The following CADM2 variants were observed in gnomAD, a reference collection of about 807,000 sequenced individuals.
CADM2 encodes immunoglobulin superfamily member 4D.
A neutral mutation model predicts 49.8 loss-of-function variants in CADM2; 12 were observed. The observed-to-expected ratio is 0.24, with a 90% CI of 0.15 to 0.39. The LOEUF is 0.39. Ranked by LOEUF, CADM2 falls within the 10% of genes least tolerant of loss-of-function variation. The probability of loss-of-function intolerance (pLI) is 1.00; values close to 1 mark genes in which losing one functional copy is unlikely to be tolerated. For missense variants in CADM2, 378 were observed against 492.3 expected (o/e 0.77, Z 2.20); for synonymous variants, 214 against 175.4 (o/e 1.22, Z -1.74).
At chr3:85,572,350 A>G (rs60820264) in intron 1 of CADM2, among the ~76,000 whole-genome samples, 1 of 152,144 alleles carries the variant, frequency 6.6e-6, no homozygotes, top group Non-Finnish European at 1.5e-5. Flanking sequence ...TTATGTAAAA[A>G]TATATGAGGC....
At chr3:85,937,810 T>C (rs984975565) in intron 7 of CADM2, among the ~76,000 whole-genome samples, 6 of 151,968 alleles carry the variant, frequency 3.9e-5, no homozygotes, top group African/African-American at 1.4e-4. Context: ...TTCTTAACCA[T>C]ATAAAAATCT....
At chr3:85,294,187 C>T (rs1303713179) in intron 1 of CADM2, among the ~76,000 whole-genome samples, 2 of 152,192 alleles carry the variant, frequency 1.3e-5, no homozygotes, top group East Asian at 3.9e-4. Context: ...ATCCCATTCA[C>T]AATTGCTTCA....
chr3:85,274,417 G>A (rs779968150), intron 1 of CADM2, among the ~76,000 whole-genome samples: 1 of 151,358 alleles, frequency 6.6e-6, no homozygotes, highest in Non-Finnish European at 1.5e-5. Context: ...AGATGAGAAG[G>A]GATCTAGGAC....
At chr3:85,752,350 AG>A (rs2068896020) in intron 2 of CADM2, among the ~76,000 whole-genome samples, 1 of 152,078 alleles carries the variant, frequency 6.6e-6, no homozygotes, top group African/African-American at 2.4e-5. Flanking sequence ...GAGAAGGATC[AG>A]GGGTGTGTGG....
At position 86,006,537 on chromosome 3, in the gene CADM2, T is replaced by G. The variant is rs147644473; in HGVS notation, c.970+44890T>G. Among the ~76,000 whole-genome samples the G allele has an allele frequency of 2.5e-3, 378 of 152,308 alleles. 1 individual carries two copies. Among genetic ancestry groups the G allele is most frequent in the African/African-American group, 8.8e-3 (367 of 41,564 alleles). ...GAAAAGAAGATGAGACTTTGAAACC[T>G]CTAAGGCAGGCTTGTCTTTAGTCTG... On this transcript the variant is annotated intron_variant, in intron 8 of 9. Coordinates refer to ENST00000383699, the MANE Select transcript of CADM2 (RefSeq NM_001167675.2).
At chr3:85,860,306 G>A (rs1285557594) in intron 3 of CADM2, among the ~76,000 whole-genome samples, 1 of 152,088 alleles carries the variant, frequency 6.6e-6, no homozygotes, top group African/African-American at 2.4e-5. Flanking sequence ...GTATTACATG[G>A]AGGCTACAGA....
intron 1 of CADM2, among the ~76,000 whole-genome samples, chr3:85,220,902 A>G (rs538468190): frequency 6.6e-6 from 1 of 152,288 alleles, no homozygotes; most frequent in South Asian, 2.1e-4. Context: ...AACTAAAATC[A>G]ATGGGTAAGT....
At chr3:85,537,413 T>A (rs2061446014) in intron 1 of CADM2, among the ~76,000 whole-genome samples, 1 of 152,076 alleles carries the variant, frequency 6.6e-6, no homozygotes, top group South Asian at 2.1e-4. Context: ...GTTAAATTGA[T>A]GCAATGTAAA....
At chr3:85,276,296 A>G (rs934008927) in intron 1 of CADM2, among the ~76,000 whole-genome samples, 5 of 151,300 alleles carry the variant, frequency 3.3e-5, no homozygotes, top group African/African-American at 1.2e-4. Context: ...TAATAATAGT[A>G]TCTGTCATCA....
chr3:85,721,930 G>A (rs1359785814), intron 1 of CADM2, among the ~76,000 whole-genome samples: 1 of 152,214 alleles, frequency 6.6e-6, no homozygotes, highest in Non-Finnish European at 1.5e-5. Context: ...AACATGGAGG[G>A]TGAGCAAGTT....
Position 85,486,649 on chromosome 3 carries a change from G to C in CADM2, c.62-239873G>C, listed in dbSNP as rs76177044. ...TTTTCCAATGGATTCTATTATAAAG[G>C]TTCCCAACAGATTTGATTATCCTGT... On this transcript the variant is annotated intron_variant, in intron 1 of 9. Transcript: ENST00000383699. Among the ~76,000 whole-genome samples the C allele has an allele frequency of 5.3e-5, 8 of 152,002 alleles. No homozygotes were observed. In the East Asian group the frequency reaches 1.4e-3, roughly 26 times the overall value.
intron 1 of CADM2, among the ~76,000 whole-genome samples, chr3:85,421,902 T>C (rs571879237): frequency 1.3e-5 from 2 of 152,352 alleles, no homozygotes; most frequent in Admixed American, 1.3e-4. Flanking sequence ...CTTGACATTT[T>C]CTGTTGCTAT....
At chr3:86,003,972 T>G (rs1419018030) in intron 8 of CADM2, among the ~76,000 whole-genome samples, 1 of 152,140 alleles carries the variant, frequency 6.6e-6, no homozygotes, top group Non-Finnish European at 1.5e-5. Flanking sequence ...AAATATACTT[T>G]CATAGGTACT....
chr3:84,970,909 A>G (rs779417314), intron 1 of CADM2, among the ~76,000 whole-genome samples: 1 of 152,008 alleles, frequency 6.6e-6, no homozygotes. Flanking sequence ...GTTGGAGGCA[A>G]TTTTTGTTGA....
intron 1 of CADM2, among the ~76,000 whole-genome samples, chr3:85,598,857 A>T (rs62263911): frequency 0.057 from 2,211 of 38,974 alleles, 57 homozygotes; most frequent in African/African-American, 0.082. Context: ...GTGTGTGTGT[A>T]TATATATATA....
chr3:85,080,573 C>T (rs1482368431), intron 1 of CADM2, among the ~76,000 whole-genome samples: 1 of 152,012 alleles, frequency 6.6e-6, no homozygotes, highest in Non-Finnish European at 1.5e-5. Flanking sequence ...AATAGTACCT[C>T]AGGTTCCTTT....
Position 85,029,888 on chromosome 3 carries a change from T to A in CADM2, c.61+70220T>A, listed in dbSNP as rs571425897. 5.3e-5 allele frequency among the ~76,000 whole-genome samples: 8 copies of A among 152,318 alleles called. No homozygotes were observed. The South Asian group carries it at 1.4e-3, about 28-fold the overall frequency. ...TTCTCATGTTCCTTCACATTTAGCA[T>A]CTTACACAGGTGGAAGGGCTGATGT... On this transcript the variant is annotated intron_variant, in intron 1 of 9. Coordinates refer to ENST00000383699, the MANE Select transcript of CADM2 (RefSeq NM_001167675.2).
chr3:85,817,522 G>A (rs1366367227), intron 3 of CADM2, among the ~76,000 whole-genome samples: 2 of 152,124 alleles, frequency 1.3e-5, no homozygotes, highest in Admixed American at 6.6e-5. Flanking sequence ...CTCCTGTGGG[G>A]ATGATGATCA....
intron 8 of CADM2, among the ~76,000 whole-genome samples, chr3:86,043,716 A>C (rs1320623417): frequency 6.6e-6 from 1 of 152,168 alleles, no homozygotes; most frequent in African/African-American, 2.4e-5. Flanking sequence ...ACTACTTTAA[A>C]TTTCATATGG....
Sources: allele counts gnomAD v4.1 joint callset (sites outside exome capture counted in the v4.1 genomes callset), GRCh38; gene constraint gnomAD v4.1.1; transcripts MANE v1.5; gene names NCBI Gene and HGNC (gene_info 2026-07-23, HGNC 2026-07-21).